SLX9: variants seen among roughly 807,000 people sequenced by gnomAD.
SLX9 encodes the protein ribosome biogenesis protein SLX9 homolog.
A neutral mutation model predicts 20.8 loss-of-function variants in SLX9; 19 were observed. The observed-to-expected ratio is 0.91, with a 90% confidence interval of 0.64 to 1.34. SLX9 has a LOEUF of 1.34. SLX9 is among the 40% of genes most tolerant of loss of function. The pLI is 0.00. For missense variants in SLX9, 299 were observed against 322.2 expected, an observed-to-expected ratio of 0.93 and a Z score of 0.55; for synonymous variants, 113 against 137.1, an observed-to-expected ratio of 0.82 and a Z score of 1.23.
At position 44,961,702 on chromosome 21, in the gene SLX9, T is replaced by C. The variant is rs189476068; in HGVS notation, c.352+1534T>C. 1.8e-4 allele frequency among the ~76,000 whole-genome samples: 27 copies of C among 152,378 alleles called. No individual in the cohort carries two copies. The East Asian group carries it at 4.4e-3, about 25-fold the overall frequency. On this transcript the variant is annotated intron_variant, in intron 3 of 5. Coordinates refer to ENST00000291634, the MANE Select transcript of SLX9 (RefSeq NM_058190.4). ...TTATTTGTATCTCCACCTTCATTTC[T>C]GATTAAATTAAGAAGTTTTGTCTCT...
rs770283651 is a variant in SLX9, at chr21:44,944,273, C to T, written c.283+436C>T. On this transcript the variant is annotated intron_variant, in intron 2 of 5. Coordinates refer to ENST00000291634, the MANE Select transcript of SLX9 (RefSeq NM_058190.4). Reference sequence around the variant, plus strand: ...CTCTTGAGGGTTTAGATCCTGAAGCCGAAGCAGGGTCCTCTCAGTTTCATC... The same window carrying T: ...CTCTTGAGGGTTTAGATCCTGAAGCTGAAGCAGGGTCCTCTCAGTTTCATC... 3.9e-5 allele frequency among the ~76,000 whole-genome samples: 6 copies of T among 152,180 alleles called. No individual in the cohort carries two copies. The South Asian group carries it at 6.2e-4, about 16-fold the overall frequency.
intron 2 of SLX9, among the ~76,000 whole-genome samples, chr21:44,956,737 G>A (rs1190681615): frequency 6.6e-6 from 1 of 152,218 alleles, no homozygotes; most frequent in Non-Finnish European, 1.5e-5. Context: ...CACGTGCCCC[G>A]TGAACCGTGT....
At chr21:44,942,727 T>G (rs892099889) in intron 1 of SLX9, among the ~76,000 whole-genome samples, 3 of 152,254 alleles carry the variant, frequency 2.0e-5, no homozygotes, top group Middle Eastern at 3.4e-3. Context: ...TTTGTGCTTC[T>G]TTGAGAGGGT....
chr21:44,969,616 A>G (rs747564192), intron 4 of SLX9, among the ~76,000 whole-genome samples: 6 of 152,218 alleles, frequency 3.9e-5, no homozygotes, highest in Non-Finnish European at 8.8e-5. Flanking sequence ...AGATTCGTAG[A>G]AAAATGGCAA....
Position 44,976,661 on chromosome 21 carries a change from G to A in SLX9, c.570-19G>A. 1.3e-6 allele frequency: 2 copies of A among 1,576,770 alleles called. No individual in the cohort carries two copies. The highest frequency in any genetic ancestry group is 2.3e-5 in the South Asian group (2 of 86,642). ...TCCGGGGGTTCCTGCCTGCTGATCT[G>A]TGGTCTCCATTCTTTCAGCGAGGAA... On this transcript the variant is annotated intron_variant, in intron 5 of 5. Transcript: ENST00000291634.
At chr21:44,960,648 C>T (rs1463773049) in intron 3 of SLX9, among the ~76,000 whole-genome samples, 4 of 152,256 alleles carry the variant, frequency 2.6e-5, no homozygotes, top group African/African-American at 9.6e-5. Context: ...AGTGTCTGCG[C>T]ATAGCGGCGT....
chr21:44,948,360 G>A (rs1396085569), intron 2 of SLX9, among the ~76,000 whole-genome samples: 19 of 150,700 alleles, frequency 1.3e-4, no homozygotes, highest in African/African-American at 3.4e-4. Context: ...GTGGAGCATC[G>A]GGCGTCCGGG....
At chr21:44,939,938 G>T (rs956925879), upstream of SLX9, 2 of 1,098,722 alleles carry the variant, frequency 1.8e-6, no homozygotes, top group Non-Finnish European at 2.4e-6. Context: ...AGCCGCTTCC[G>T]GGTACTTCCG....
intron 2 of SLX9, among the ~76,000 whole-genome samples, chr21:44,949,942 G>T (rs1278430246): frequency 2.0e-5 from 3 of 152,190 alleles, no homozygotes; most frequent in African/African-American, 7.2e-5. Context: ...GCCAGCAGAG[G>T]GCAGCAGAGC....
chr21:44,953,310 G>GT (rs1025865577), intron 2 of SLX9, among the ~76,000 whole-genome samples: 1 of 152,198 alleles, frequency 6.6e-6, no homozygotes, highest in Admixed American at 6.5e-5. Context: ...TAGGCAGGTC[G>GT]TGGAGGCTGT....
intron 1 of SLX9, among the ~76,000 whole-genome samples, chr21:44,941,009 C>T (rs2084535663): frequency 1.9e-5 from 1 of 52,174 alleles, no homozygotes; most frequent in Non-Finnish European, 3.5e-5. Context: ...CCCAGAGGTG[C>T]TTTTGAACCT....
chr21:44,944,460 G>A (rs1272353097), intron 2 of SLX9, among the ~76,000 whole-genome samples: 1 of 151,992 alleles, frequency 6.6e-6, no homozygotes, highest in Non-Finnish European at 1.5e-5. Flanking sequence ...TGAGTCTGAG[G>A]TGTTTTAGAG....
At chr21:44,965,074 T>G (rs893946626) in intron 3 of SLX9, among the ~76,000 whole-genome samples, 1 of 152,280 alleles carries the variant, frequency 6.6e-6, no homozygotes, top group Non-Finnish European at 1.5e-5. Flanking sequence ...ACTTTCTTGT[T>G]GCTTGTTCTT....
chr21:44,976,536 C>T lies in SLX9; in HGVS notation c.570-144C>T, dbSNP rs796695479. On this transcript the variant is annotated intron_variant, in intron 5 of 5. Coordinates refer to ENST00000291634, the MANE Select transcript of SLX9 (RefSeq NM_058190.4). The stretch of plus-strand genomic sequence containing the variant: ...CCCGGGGCAGCCTCTCCCCTCCTGC[C>T]GGAAGTTTCCGAGGCCCCAGTACTC... The T allele has an allele frequency of 7.0e-5, 92 of 1,305,020 alleles. No individual in the cohort carries two copies. In the South Asian group the frequency reaches 9.1e-4, roughly 13 times the overall value. 80.8% of individuals were successfully genotyped at this position (1,305,020 alleles called of 1,614,324 possible). A position where few individuals can be genotyped will look rare whatever the true frequency, so the allele number is the denominator to read the frequency against.
intron 3 of SLX9, among the ~76,000 whole-genome samples, chr21:44,964,436 C>T (rs560753263): frequency 5.6e-4 from 86 of 152,318 alleles, no homozygotes; most frequent in Non-Finnish European, 9.7e-4. Flanking sequence ...AAAGTTTGTC[C>T]TTGCTGTTCC....
intron 2 of SLX9, among the ~76,000 whole-genome samples, chr21:44,949,853 C>G (rs1482520215): frequency 4.6e-5 from 7 of 152,218 alleles, no homozygotes; most frequent in South Asian, 4.1e-4. Flanking sequence ...CACTCCACCC[C>G]CAGGCACCTG....
At chr21:44,976,608 C>A in intron 5 of SLX9, 72 bp from the exon 6 acceptor site, 1 of 1,529,810 alleles carries the variant, frequency 6.5e-7, no homozygotes, top group Non-Finnish European at 8.8e-7. Flanking sequence ...CGGTGTCTGA[C>A]GTTTCCGGGT....
intron 2 of SLX9, among the ~76,000 whole-genome samples, chr21:44,944,925 T>G (rs73906958): frequency 0.025 from 3,729 of 152,162 alleles, 163 homozygotes; most frequent in African/African-American, 0.086. Context: ...CAGTTTTGAG[T>G]TTGAGATGAG....
chr21:44,970,267 C>T (rs2210288), intron 4 of SLX9, among the ~76,000 whole-genome samples: 152,376 of 152,376 alleles, frequency 1, 76,188 homozygotes, highest in Non-Finnish European at 1. Context: ...CGCTCATGCG[C>T]CGGTGTTGGT....
Sources: gnomAD v4.1 joint callset for allele counts (sites outside exome capture counted in the v4.1 genomes callset) on GRCh38, gnomAD v4.1.1 for gene constraint, MANE v1.5 for transcripts, NCBI Gene and HGNC (gene_info 2026-07-23, HGNC 2026-07-21) for gene names.